The following EIF2AK1 variants were observed in gnomAD, a reference collection of about 807,000 sequenced individuals.
The protein encoded by EIF2AK1 is eukaryotic translation initiation factor 2 alpha kinase 1, also known as eukaryotic translation initiation factor 2-alpha kinase 1.
EIF2AK1 carries 54 observed loss-of-function variants against 77.9 expected under a neutral mutation model. The ratio of observed to expected loss-of-function variants is 0.69; its 90% CI spans 0.56 to 0.87. EIF2AK1 has a LOEUF of 0.87. Among genes scored for constraint, EIF2AK1 ranks in the 40% least tolerant of loss-of-function variants. EIF2AK1 has a pLI of 0.00. For missense variants in EIF2AK1, 810 were observed against 768.6 expected (o/e 1.05, Z -0.64); for synonymous variants, 314 against 290.5 (o/e 1.08, Z -0.82).
chr7:6,055,812 C>G (rs1365070157), intron 1 of EIF2AK1, among the ~76,000 whole-genome samples: 2 of 150,210 alleles, frequency 1.3e-5, no homozygotes, highest in African/African-American at 2.5e-5. Flanking sequence ...GAAACCCTGT[C>G]TCTACGAAAA....
intron 4 of EIF2AK1, 53 bp from the exon 5 acceptor site, chr7:6,047,144 T>A: frequency 6.6e-7 from 1 of 1,522,052 alleles, no homozygotes; most frequent in Non-Finnish European, 9.1e-7. Flanking sequence ...ATCAAAATGT[T>A]CTAGGATACC....
At chr7:6,041,325 G>A (rs1034935909) in intron 8 of EIF2AK1, 106 bp from the exon 9 acceptor site, 5 of 1,192,688 alleles carry the variant, frequency 4.2e-6, no homozygotes, top group Non-Finnish European at 5.8e-6. Flanking sequence ...GATCACTTAA[G>A]GTCAGGAGTT....
chr7:6,045,046 G>A (rs779400678), intron 6 of EIF2AK1, among the ~76,000 whole-genome samples: 2 of 151,984 alleles, frequency 1.3e-5, no homozygotes, highest in Non-Finnish European at 2.9e-5. Flanking sequence ...TCATAAGATG[G>A]AGGACCATCT....
At chr7:6,050,765 G>A (rs1015494597) in intron 2 of EIF2AK1, among the ~76,000 whole-genome samples, 2 of 151,808 alleles carry the variant, frequency 1.3e-5, no homozygotes, top group East Asian at 1.9e-4. Context: ...ACCAGGCCCA[G>A]CTAATTTTTT....
At chr7:6,039,337 C>T (rs1583486550) in intron 9 of EIF2AK1, among the ~76,000 whole-genome samples, 1 of 152,010 alleles carries the variant, frequency 6.6e-6, no homozygotes, top group Admixed American at 6.6e-5. Context: ...AAAGCACAGG[C>T]TTAGCCAGGC....
chr7:6,052,584 TAA>T (rs56106343), intron 2 of EIF2AK1, among the ~76,000 whole-genome samples: 7 of 97,140 alleles, frequency 7.2e-5, no homozygotes, highest in Admixed American at 1.4e-4. Context: ...ACTGTTTTGG[TAA>T]AAAAAAAAAA....
Position 6,048,838 on chromosome 7 carries a change from A to G in EIF2AK1, c.418T>C (p.Cys140Arg), listed in dbSNP as rs1247787566. 1 of 1,586,630 alleles carries G rather than the reference A, an allele frequency of 6.3e-7. No homozygotes were observed. Among genetic ancestry groups the G allele is most frequent in the Non-Finnish European group, 8.5e-7 (1 of 1,171,410 alleles). ...SAKERVRQDP[C>R]EDISRIQKIR... The stretch of plus-strand genomic sequence containing the variant: ...TTCTGGATACGAGAAATATCCTCAC[A>G]AGGATCCTACAATTAAAAAATTGTT... The change falls in exon 4 of 15, where the codon TGT (cysteine) becomes CGT (arginine). Residue 140 changes from cysteine (C) to arginine (R), a missense_variant. This residue lies in a region of EIF2AK1 where 246 missense variants were observed against 199.0 expected (regional missense o/e 1.24). Transcript: ENST00000199389.
rs374126722 is a variant in EIF2AK1 at position 6,029,052 on chromosome 7, G to A, written c.1333-20C>T. 127 of 1,568,656 alleles carry A rather than the reference G, an allele frequency of 8.1e-5. 1 individual carries two copies. The African/African-American group carries it at 1.6e-3, about 19-fold the overall frequency. The stretch of plus-strand genomic sequence containing the variant: ...TCTTGGCTATCAACAAACAAAACAA[G>A]TCAACTCCTTGGCTTTCTTAAAACA... On this transcript the variant is annotated intron_variant, in intron 11 of 14. Coordinates refer to ENST00000199389, the MANE Select transcript of EIF2AK1 (RefSeq NM_014413.4).
chr7:6,054,803 T>C (rs1436594166), intron 1 of EIF2AK1, 99 bp from the exon 2 acceptor site: 4 of 1,244,624 alleles, frequency 3.2e-6, no homozygotes, highest in Non-Finnish European at 4.4e-6. Flanking sequence ...AATATTTAAA[T>C]GTAAGCAGAT....
chr7:6,039,665 T>C (rs1166586308), intron 9 of EIF2AK1, among the ~76,000 whole-genome samples: 1 of 138,296 alleles, frequency 7.2e-6, no homozygotes, highest in African/African-American at 2.7e-5. Flanking sequence ...TAGGATGCAG[T>C]GGCTCATGCC....
At chr7:6,054,516 A>T in intron 2 of EIF2AK1, 30 bp downstream of exon 2, 1 of 1,611,392 alleles carries the variant, frequency 6.2e-7, no homozygotes, top group Non-Finnish European at 8.5e-7. Context: ...TACAAGCTTT[A>T]TTTAGCAAGA....
chr7:6,058,227 C>T (rs374604778), intron 1 of EIF2AK1: 31 of 447,148 alleles, frequency 6.9e-5, no homozygotes, highest in East Asian at 4.9e-4. Flanking sequence ...CTGGGAAACA[C>T]AGCAAGACCA....
In EIF2AK1 at chr7:6,035,696, A is replaced by C; in HGVS notation, c.1332+1728T>G. 1 of 1,550,772 alleles carries C rather than the reference A, an allele frequency of 6.4e-7. No homozygotes were observed. Among genetic ancestry groups the C allele is most frequent in the Non-Finnish European group, 8.7e-7 (1 of 1,147,064 alleles). On this transcript the variant is annotated intron_variant, in intron 11 of 14. Coordinates refer to ENST00000199389, the MANE Select transcript of EIF2AK1 (RefSeq NM_014413.4). This position sits in a 1 kb window ranked among gnomAD's most constrained non-coding sequence, Gnocchi z 5.5. ...ATCCAGTTCTCTCCATTTTGACCCAAAATGGTGCCGATGTCAATGCTATTA... is the reference window on the plus strand; with the variant it reads ...ATCCAGTTCTCTCCATTTTGACCCACAATGGTGCCGATGTCAATGCTATTA...
At chr7:6,039,730 T>A (rs1156992537) in intron 9 of EIF2AK1, among the ~76,000 whole-genome samples, 1 of 151,372 alleles carries the variant, frequency 6.6e-6, no homozygotes, top group Non-Finnish European at 1.5e-5. Context: ...AGGTCAGGAC[T>A]TTGATACCAG....
chr7:6,023,654 T>C lies in EIF2AK1; in HGVS notation c.*1019A>G. The C allele has an allele frequency of 6.2e-7, 1 of 1,614,146 alleles. No homozygotes were observed. Among genetic ancestry groups the C allele is most frequent in the Non-Finnish European group, 8.5e-7 (1 of 1,180,018 alleles). ...AGGTGGATGAGGTCTTGTGAAAACC[T>C]GGCTCCTTTTAACACGGCCCTCAAG... On this transcript the variant is annotated 3_prime_UTR_variant, in exon 15 of 15. Coordinates refer to ENST00000199389, the MANE Select transcript of EIF2AK1 (RefSeq NM_014413.4).
At chr7:6,050,186 T>A in intron 2 of EIF2AK1, 141 bp from the exon 3 acceptor site, 1 of 704,080 alleles carries the variant, frequency 1.4e-6, no homozygotes, top group East Asian at 2.9e-5. Flanking sequence ...TATAAACACG[T>A]TAAACTTGGA....
rs1787596232 is a variant in EIF2AK1, at chr7:6,023,425, A to G, written c.*1248T>C. The G allele has an allele frequency of 6.2e-7, 1 of 1,614,208 alleles. No individual in the cohort carries two copies. The highest frequency in any genetic ancestry group is 8.5e-7 in the Non-Finnish European group (1 of 1,180,040). ...GCATAATGCTGTCAACGCAACCCTT[A>G]TAGATAGCTGGGTAGATATTGCGAT... On this transcript the variant is annotated 3_prime_UTR_variant, in exon 15 of 15. Coordinates refer to ENST00000199389, the MANE Select transcript of EIF2AK1 (RefSeq NM_014413.4).
chr7:6,044,334 G>T (rs1346193028), intron 7 of EIF2AK1, among the ~76,000 whole-genome samples: 1 of 151,640 alleles, frequency 6.6e-6, no homozygotes, highest in Non-Finnish European at 1.5e-5. Context: ...AGCTGGCCGT[G>T]GTGGCGGGCA....
At chr7:6,031,504 G>T in intron 11 of EIF2AK1, 1 of 1,550,640 alleles carries the variant, frequency 6.4e-7, no homozygotes, top group Non-Finnish European at 8.7e-7. Flanking sequence ...ACTGCACTAC[G>T]ATCGAGGTAC....
Sources: allele counts gnomAD v4.1 joint callset (sites outside exome capture counted in the v4.1 genomes callset), GRCh38; gene constraint gnomAD v4.1.1; regional missense constraint gnomAD v4.1.1; non-coding constraint Gnocchi (gnomAD v3.1); transcripts MANE v1.5; gene names NCBI Gene and HGNC (gene_info 2026-07-23, HGNC 2026-07-21).